RGS6: variants seen among roughly 807,000 people sequenced by gnomAD.
RGS6 encodes the protein regulator of G protein signaling 6, also known as regulator of G-protein signaling 6.
RGS6 carries 30 observed loss-of-function variants against 78.5 expected under a neutral mutation model. The observed-to-expected ratio is 0.38, with a 90% CI of 0.29 to 0.52. RGS6 has a LOEUF of 0.52. Among genes scored for constraint, RGS6 ranks in the 20% least tolerant of loss-of-function variants. The pLI is 0.85. For synonymous variants in RGS6, 206 were observed against 206.0 expected, an observed-to-expected ratio of 1.00 and a Z score of 0.00; for missense variants, 495 against 609.7, an observed-to-expected ratio of 0.81 and a Z score of 1.98.
rs146766457 is a variant in RGS6 at position 72,221,384 on chromosome 14, T to TGA, written c.85-130708_85-130707dup. 4.5e-3 allele frequency among the ~76,000 whole-genome samples: 679 copies of TGA among 152,298 alleles called. 9 individuals carry two copies. The highest frequency in any genetic ancestry group is 0.016 in the African/African-American group (660 of 41,560). On this transcript the variant is annotated intron_variant, in intron 2 of 17. Coordinates refer to ENST00000553525, the MANE Select transcript of RGS6 (RefSeq NM_001204424.2). ...AGGGGTGGCCGTGGGACCTAGTCAA[T>TGA]GAGACATAAGTTTAATTGTACTGAT...
At chr14:72,352,256 A>G in intron 3 of RGS6, 62 bp downstream of exon 3, 1 of 1,290,492 alleles carries the variant, frequency 7.7e-7, no homozygotes, top group Non-Finnish European at 1.1e-6. Context: ...ATAAGTCTAG[A>G]TTGCGGCCTG....
intron 3 of RGS6, among the ~76,000 whole-genome samples, chr14:72,373,170 T>G (rs576402756): frequency 6.6e-6 from 1 of 152,246 alleles, no homozygotes; most frequent in East Asian, 1.9e-4. Flanking sequence ...TAAAATGGGA[T>G]TTAAATTTTA....
At chr14:71,895,826 C>T in the RGS6 span, among the ~76,000 whole-genome samples, 3 of 152,170 alleles carry the variant, frequency 2.0e-5, no homozygotes, top group South Asian at 2.1e-4. Context: ...CCATGGCAGG[C>T]GCTCCCTGCC....
intron 1 of RGS6, among the ~76,000 whole-genome samples, chr14:71,963,246 G>A (rs2093323619): frequency 6.6e-6 from 1 of 152,154 alleles, no homozygotes; most frequent in African/African-American, 2.4e-5. Context: ...TAAATATAGT[G>A]TCATACCAAG....
At chr14:72,618,379 C>A in the RGS6 span, among the ~76,000 whole-genome samples, 5 of 152,232 alleles carry the variant, frequency 3.3e-5, no homozygotes, top group African/African-American at 4.8e-5. Context: ...GCAGCCTTCG[C>A]TCCCCTTCCT....
At chr14:71,935,552 G>A (rs190632800) in intron 1 of RGS6, among the ~76,000 whole-genome samples, 99 of 152,244 alleles carry the variant, frequency 6.5e-4, no homozygotes, top group Non-Finnish European at 1.1e-3. Flanking sequence ...AAAAAGAGTA[G>A]GTTCTTTCTT....
intron 2 of RGS6, among the ~76,000 whole-genome samples, chr14:72,263,172 C>T (rs1430036586): frequency 6.6e-6 from 1 of 152,198 alleles, no homozygotes; most frequent in Non-Finnish European, 1.5e-5. Flanking sequence ...TCTTCCCCTT[C>T]TAAGTTTCTG....
chr14:72,589,389 A>G, the RGS6 span, among the ~76,000 whole-genome samples: 2 of 152,178 alleles, frequency 1.3e-5, no homozygotes, highest in Non-Finnish European at 2.9e-5. Flanking sequence ...GTCTCTACAA[A>G]AAATACAAAT....
At chr14:71,906,027 C>G in the RGS6 span, among the ~76,000 whole-genome samples, 1 of 152,154 alleles carries the variant, frequency 6.6e-6, no homozygotes, top group Non-Finnish European at 1.5e-5. Flanking sequence ...ATGACCTGTG[C>G]CCCCAAAATA....
At chr14:72,360,679 A>G (rs1057316578) in intron 3 of RGS6, among the ~76,000 whole-genome samples, 2 of 152,084 alleles carry the variant, frequency 1.3e-5, no homozygotes, top group African/African-American at 2.4e-5. Context: ...AAAATGGTAG[A>G]GATTTTGCAA....
chr14:72,626,601 G>A, the RGS6 span, among the ~76,000 whole-genome samples: 2 of 152,034 alleles, frequency 1.3e-5, no homozygotes, highest in African/African-American at 4.8e-5. Context: ...GGATATTTAG[G>A]TTGTTTCCAA....
At chr14:72,505,600 T>C (rs1315645530) in intron 13 of RGS6, among the ~76,000 whole-genome samples, 1 of 152,248 alleles carries the variant, frequency 6.6e-6, no homozygotes, top group Non-Finnish European at 1.5e-5. Context: ...AGTTTAGATA[T>C]TGATTGAGGC....
In RGS6 at chr14:72,476,738, C is replaced by T. The variant is rs761530175; in HGVS notation, c.694-4C>T. The T allele has an allele frequency of 6.2e-7, 1 of 1,613,724 alleles. No individual in the cohort carries two copies. The highest frequency in any genetic ancestry group is 2.2e-5 in the East Asian group (1 of 44,876). On this transcript the variant is annotated splice_region_variant and splice_polypyrimidine_tract_variant and intron_variant, in intron 10 of 17. Coordinates refer to ENST00000553525, the MANE Select transcript of RGS6 (RefSeq NM_001204424.2). Reference sequence around the variant, plus strand: ...TGATCCTCTGTGCTTGCTTCTTCTCCTAGTCCGTGTATGGCGTGACTGAAG... The same window carrying T: ...TGATCCTCTGTGCTTGCTTCTTCTCTTAGTCCGTGTATGGCGTGACTGAAG...
chr14:71,943,379 G>A (rs1286832183), intron 1 of RGS6, among the ~76,000 whole-genome samples: 1 of 152,178 alleles, frequency 6.6e-6, no homozygotes, highest in Non-Finnish European at 1.5e-5. Context: ...GACTGTCACA[G>A]CACAGTTCCT....
chr14:72,411,326 G>C (rs1016735203), intron 3 of RGS6, among the ~76,000 whole-genome samples: 1 of 152,128 alleles, frequency 6.6e-6, no homozygotes, highest in African/African-American at 2.4e-5. Flanking sequence ...TATTCTCTTT[G>C]AAGCAATTGT....
intron 1 of RGS6, among the ~76,000 whole-genome samples, chr14:71,947,094 T>A (rs2091635080): frequency 6.6e-6 from 1 of 152,170 alleles, no homozygotes; most frequent in Non-Finnish European, 1.5e-5. Flanking sequence ...GTAGTTTTGC[T>A]TTATTACAGT....
intron 17 of RGS6, among the ~76,000 whole-genome samples, chr14:72,558,513 G>A (rs1048729524): frequency 6.6e-6 from 1 of 152,224 alleles, no homozygotes; most frequent in Non-Finnish European, 1.5e-5. Context: ...GCAATGCACA[G>A]AGCCACAGCA....
chr14:72,140,189 C>T (rs1381573816), intron 2 of RGS6, among the ~76,000 whole-genome samples: 2 of 152,168 alleles, frequency 1.3e-5, no homozygotes, highest in Non-Finnish European at 1.5e-5. Flanking sequence ...TGGGCACCAG[C>T]ATCCACAACC....
chr14:72,101,089 G>C (rs2095518611), intron 2 of RGS6, among the ~76,000 whole-genome samples: 3 of 152,124 alleles, frequency 2.0e-5, no homozygotes, highest in Non-Finnish European at 4.4e-5. Context: ...AGCCTGGGAG[G>C]ATCATCTGAG....
Sources: allele counts gnomAD v4.1 joint callset (sites outside exome capture counted in the v4.1 genomes callset), GRCh38; gene constraint gnomAD v4.1.1; transcripts MANE v1.5; gene names NCBI Gene and HGNC (gene_info 2026-07-23, HGNC 2026-07-21).